Variants in OLA1 observed in about 807,000 individuals in gnomAD.
OLA1 encodes Obg like ATPase 1.
A neutral mutation model predicts 48.4 loss-of-function variants in OLA1; 14 were observed. The ratio of observed to expected loss-of-function variants is 0.29; its 90% CI spans 0.19 to 0.45. The LOEUF (loss-of-function observed/expected upper bound fraction) is 0.45. OLA1 is among the 20% of genes least tolerant of loss of function. The probability of loss-of-function intolerance (pLI) is 1.00; values close to 1 mark genes in which losing one functional copy is unlikely to be tolerated. For synonymous variants in OLA1, 127 were observed against 150.4 expected (o/e 0.84, Z 1.14); for missense variants, 325 against 467.1 (o/e 0.70, Z 2.80).
chr2:174,116,820 A>G (rs1685795241), intron 7 of OLA1, among the ~76,000 whole-genome samples: 1 of 152,190 alleles, frequency 6.6e-6, no homozygotes, highest in South Asian at 2.1e-4. Context: ...CCCCCAACAC[A>G]TACATACATA....
At chr2:174,235,250 A>C (rs1264751576) in intron 2 of OLA1, among the ~76,000 whole-genome samples, 1 of 152,178 alleles carries the variant, frequency 6.6e-6, no homozygotes, top group African/African-American at 2.4e-5. Flanking sequence ...GGAAAGAGTG[A>C]TTAGGAAAAC....
intron 4 of OLA1, among the ~76,000 whole-genome samples, chr2:174,151,225 A>G (rs1197724775): frequency 6.6e-6 from 1 of 152,250 alleles, no homozygotes; most frequent in Non-Finnish European, 1.5e-5. Context: ...TGTTCTCTAC[A>G]TACGATCAGA....
At chr2:174,175,351 T>C (rs1687397766) in intron 4 of OLA1, among the ~76,000 whole-genome samples, 1 of 147,294 alleles carries the variant, frequency 6.8e-6, no homozygotes, top group Non-Finnish European at 1.5e-5. Flanking sequence ...TAACATATAC[T>C]TGACAAAGAA....
intron 7 of OLA1, among the ~76,000 whole-genome samples, chr2:174,106,806 T>G (rs1009881425): frequency 6.6e-6 from 1 of 152,186 alleles, no homozygotes; most frequent in Non-Finnish European, 1.5e-5. Flanking sequence ...CCAGAATTTC[T>G]GTGCTCATCT....
intron 4 of OLA1, among the ~76,000 whole-genome samples, chr2:174,181,295 GT>G (rs1687529287): frequency 6.6e-6 from 1 of 152,190 alleles, no homozygotes. Flanking sequence ...ATGTGAAGAA[GT>G]GGAGATGACC....
chr2:174,236,720 G>A (rs1489891730), intron 2 of OLA1, among the ~76,000 whole-genome samples: 2 of 152,162 alleles, frequency 1.3e-5, no homozygotes, highest in East Asian at 1.9e-4. Flanking sequence ...TTGCTTCTAG[G>A]CTAAACCTGT....
intron 7 of OLA1, among the ~76,000 whole-genome samples, chr2:174,104,855 G>T (rs541477523): frequency 6.6e-6 from 1 of 151,966 alleles, no homozygotes; most frequent in Non-Finnish European, 1.5e-5. Flanking sequence ...AGACACACAG[G>T]TCTATTGAAA....
intron 4 of OLA1, among the ~76,000 whole-genome samples, chr2:174,163,248 C>A (rs181683739): frequency 5.3e-5 from 8 of 152,014 alleles, no homozygotes; most frequent in African/African-American, 1.9e-4. Flanking sequence ...AAAAAGAGAG[C>A]CCCAGCAACA....
intron 7 of OLA1, among the ~76,000 whole-genome samples, chr2:174,094,790 T>A (rs1685206869): frequency 2.6e-5 from 4 of 152,202 alleles, no homozygotes; most frequent in African/African-American, 9.6e-5. Flanking sequence ...GATCTAAAAC[T>A]CTATAGCCAT....
At chr2:174,193,061 G>C (rs1405739357) in intron 4 of OLA1, among the ~76,000 whole-genome samples, 1 of 149,800 alleles carries the variant, frequency 6.7e-6, no homozygotes, top group Non-Finnish European at 1.5e-5. Flanking sequence ...AAAATTCTTG[G>C]TCATTATTTC....
chr2:174,203,948 C>T (rs896562739), intron 4 of OLA1, among the ~76,000 whole-genome samples: 2 of 151,832 alleles, frequency 1.3e-5, no homozygotes, highest in African/African-American at 4.8e-5. Flanking sequence ...GTGTGCACCA[C>T]TGCGCCCAGC....
chr2:174,140,539 T>C (rs938569137), intron 5 of OLA1, among the ~76,000 whole-genome samples: 1 of 151,864 alleles, frequency 6.6e-6, no homozygotes, highest in African/African-American at 2.4e-5. Flanking sequence ...GGCTAATTTT[T>C]GTATTTTTAG....
intron 7 of OLA1, among the ~76,000 whole-genome samples, chr2:174,103,832 T>A (rs1250374398): frequency 6.6e-6 from 1 of 152,096 alleles, no homozygotes; most frequent in Non-Finnish European, 1.5e-5. Context: ...ATAAGTGCTC[T>A]GAAGGAAATA....
chr2:174,154,738 A>G (rs978913878), intron 4 of OLA1, among the ~76,000 whole-genome samples: 1 of 152,226 alleles, frequency 6.6e-6, no homozygotes, highest in Non-Finnish European at 1.5e-5. Flanking sequence ...AGAAATTAAC[A>G]AAAACTAGAA....
At chr2:174,184,307 G>C (rs1300910078) in intron 4 of OLA1, among the ~76,000 whole-genome samples, 1 of 152,128 alleles carries the variant, frequency 6.6e-6, no homozygotes, top group Non-Finnish European at 1.5e-5. Context: ...ATGGCATGTA[G>C]TTATCATGTA....
chr2:174,183,852 C>G (rs1687600150), intron 4 of OLA1, among the ~76,000 whole-genome samples: 1 of 152,146 alleles, frequency 6.6e-6, no homozygotes, highest in Non-Finnish European at 1.5e-5. Context: ...CTCATTAATA[C>G]TACCAGAAAT....
chr2:174,236,902 G>C (rs1222026038), intron 2 of OLA1, among the ~76,000 whole-genome samples: 1 of 152,130 alleles, frequency 6.6e-6, no homozygotes, highest in Non-Finnish European at 1.5e-5. Context: ...ATGAGTGATG[G>C]TGAGTGAATG....
intron 4 of OLA1, among the ~76,000 whole-genome samples, chr2:174,187,576 C>T (rs1687682849): frequency 6.6e-6 from 1 of 152,184 alleles, no homozygotes; most frequent in African/African-American, 2.4e-5. Context: ...GATTGGATGA[C>T]ACTGCAAGAT....
intron 7 of OLA1, among the ~76,000 whole-genome samples, chr2:174,112,057 A>C (rs995552324): frequency 9.2e-5 from 14 of 152,222 alleles, no homozygotes; most frequent in African/African-American, 3.4e-4. Flanking sequence ...ATGAATTTTT[A>C]GTCTCAGATT....
Sources: gnomAD v4.1 joint callset for allele counts (sites outside exome capture counted in the v4.1 genomes callset) on GRCh38, gnomAD v4.1.1 for gene constraint, MANE v1.5 for transcripts, NCBI Gene and HGNC (gene_info 2026-07-23, HGNC 2026-07-21) for gene names.